The following NDUFA13 variants were observed in gnomAD, a reference collection of about 807,000 sequenced individuals.
NDUFA13 encodes the protein NADH:ubiquinone oxidoreductase subunit A13.
NDUFA13 carries 16 observed loss-of-function variants against 17.0 expected under a neutral mutation model. The ratio of observed to expected loss-of-function variants is 0.94; its 90% CI spans 0.64 to 1.43. The LOEUF (loss-of-function observed/expected upper bound fraction) is 1.43. NDUFA13 is among the 40% of genes most tolerant of loss of function. The pLI, the probability that NDUFA13 is intolerant of heterozygous loss-of-function variation, is 0.00. For missense variants in NDUFA13, 228 were observed against 206.7 expected, an observed-to-expected ratio of 1.10 and a Z score of -0.63; for synonymous variants, 87 against 78.4, an observed-to-expected ratio of 1.11 and a Z score of -0.58.
At chr19:19,518,630 C>A (rs2061061423) in intron 1 of NDUFA13, among the ~76,000 whole-genome samples, 1 of 150,078 alleles carries the variant, frequency 6.7e-6, no homozygotes, top group African/African-American at 2.5e-5. Context: ...GTGGCGTGAT[C>A]TCGGCTCACT....
At chr19:19,519,022 G>T (rs996341743) in intron 1 of NDUFA13, among the ~76,000 whole-genome samples, 2 of 149,460 alleles carry the variant, frequency 1.3e-5, no homozygotes, top group East Asian at 3.9e-4. Flanking sequence ...GGGATTACAG[G>T]TGTGAGCCAC....
chr19:19,526,088 A>C (rs1484593360), intron 1 of NDUFA13, 94 bp from the exon 2 acceptor site: 2 of 1,561,340 alleles, frequency 1.3e-6, no homozygotes, highest in Non-Finnish European at 1.7e-6. Context: ...AGAAGCCGCC[A>C]GTGTCCCCTG....
chr19:19,527,328 T>C lies in NDUFA13; in HGVS notation c.221T>C (p.Leu74Pro). The change falls in exon 3 of 5, where the codon CTG becomes CCG. Residue 74 changes from leucine to proline, a missense_variant. Leu to Pro is a moderately conservative substitution (Grantham distance 98). Coordinates refer to ENST00000507754, the MANE Select transcript of NDUFA13 (RefSeq NM_015965.7). ...DFEARIALLP[L>P]LQAETDRRTL... ...GAGGCTCGCATCGCGCTGTTGCCAC[T>C]GTTACAGGCAGAAACCGACCGGAGG... 6.2e-7 allele frequency: 1 copy of C among 1,613,940 alleles called. No homozygotes were observed. The highest frequency in any genetic ancestry group is 8.5e-7 in the Non-Finnish European group (1 of 1,180,008).
At chr19:19,527,812 A>G in intron 4 of NDUFA13, 42 bp downstream of exon 4, 1 of 1,537,606 alleles carries the variant, frequency 6.5e-7, no homozygotes, top group East Asian at 2.4e-5. Context: ...GCCACGGCAG[A>G]GACAGGGCCT....
chr19:19,520,685 A>G (rs544894459), intron 1 of NDUFA13, among the ~76,000 whole-genome samples: 1 of 152,322 alleles, frequency 6.6e-6, no homozygotes, highest in South Asian at 2.1e-4. Context: ...TTTTTAGTAT[A>G]TTCACAAAGT....
chr19:19,527,164 C>CACCCCCCCCCCCCCCCCCACA, intron 2 of NDUFA13, 117 bp from the exon 3 acceptor site: 1 of 1,014,864 alleles, frequency 9.9e-7, no homozygotes. Flanking sequence ...CCCTGCCTGC[C>CACCCCCCCCCCCCCCCCCACA]TCCCCGCCCC....
intron 1 of NDUFA13, among the ~76,000 whole-genome samples, chr19:19,524,156 C>T (rs2061090521): frequency 6.6e-6 from 1 of 152,162 alleles, no homozygotes; most frequent in Non-Finnish European, 1.5e-5. Context: ...CCCTTTTGTG[C>T]GTGCCCCTCA....
chr19:19,522,639 C>G (rs371443701), intron 1 of NDUFA13, among the ~76,000 whole-genome samples: 1 of 151,834 alleles, frequency 6.6e-6, no homozygotes, highest in Non-Finnish European at 1.5e-5. Flanking sequence ...CCACCACGCC[C>G]GGCTAATTTT....
At chr19:19,523,073 T>TCAACTGAAGTGTGA (rs1184405293) in intron 1 of NDUFA13, among the ~76,000 whole-genome samples, 3 of 152,248 alleles carry the variant, frequency 2.0e-5, no homozygotes, top group Non-Finnish European at 2.9e-5. Flanking sequence ...CTTTCAACTT[T>TCAACTGAAGTGTGA]GTTCTTTTTC....
At chr19:19,522,162 G>C (rs902747710) in intron 1 of NDUFA13, among the ~76,000 whole-genome samples, 1 of 151,726 alleles carries the variant, frequency 6.6e-6, no homozygotes, top group Non-Finnish European at 1.5e-5. Flanking sequence ...AAAATTAGCT[G>C]GGCGCGGTGG....
intron 1 of NDUFA13, 98 bp from the exon 2 acceptor site, chr19:19,526,084 C>G (rs749033463): frequency 6.4e-7 from 1 of 1,554,226 alleles, no homozygotes; most frequent in Non-Finnish European, 8.7e-7. Context: ...CCTGAGAAGC[C>G]GCCAGTGTCC....
At chr19:19,520,561 C>T (rs533730545) in intron 1 of NDUFA13, among the ~76,000 whole-genome samples, 12 of 152,256 alleles carry the variant, frequency 7.9e-5, no homozygotes, top group African/African-American at 2.9e-4. Context: ...ACCTGGAAGG[C>T]GGAGGTTGCA....
chr19:19,519,182 C>G (rs545801095), intron 1 of NDUFA13, among the ~76,000 whole-genome samples: 1 of 151,884 alleles, frequency 6.6e-6, no homozygotes, highest in Non-Finnish European at 1.5e-5. Context: ...TGAGCCACCA[C>G]GCCTGGCCGA....
chr19:19,520,363 G>T (rs1381928356), intron 1 of NDUFA13, among the ~76,000 whole-genome samples: 1 of 152,136 alleles, frequency 6.6e-6, no homozygotes, highest in Admixed American at 6.5e-5. Flanking sequence ...TGTGAGCGGT[G>T]GCTCATGCCT....
intron 1 of NDUFA13, among the ~76,000 whole-genome samples, chr19:19,520,043 C>T (rs1434335127): frequency 6.9e-6 from 1 of 144,972 alleles, no homozygotes; most frequent in East Asian, 2.0e-4. Context: ...GGCGCGATCT[C>T]AGCTCACTGC....
At chr19:19,524,265 G>T (rs1233572780) in intron 1 of NDUFA13, among the ~76,000 whole-genome samples, 1 of 152,274 alleles carries the variant, frequency 6.6e-6, no homozygotes, top group Non-Finnish European at 1.5e-5. Flanking sequence ...CCCTGTGCAG[G>T]CTGCATGCAA....
intron 1 of NDUFA13, among the ~76,000 whole-genome samples, chr19:19,517,157 G>A (rs1481540129): frequency 1.3e-5 from 2 of 152,198 alleles, no homozygotes; most frequent in South Asian, 4.1e-4. Flanking sequence ...TTGAAAAAGA[G>A]AACTTAAAAG....
chr19:19,521,766 C>G (rs2061079274), intron 1 of NDUFA13, among the ~76,000 whole-genome samples: 1 of 151,824 alleles, frequency 6.6e-6, no homozygotes, highest in Non-Finnish European at 1.5e-5. Flanking sequence ...CTGCGCCCGG[C>G]TAATTTTTTG....
intron 1 of NDUFA13, among the ~76,000 whole-genome samples, chr19:19,520,907 T>C (rs548965228): frequency 6.6e-6 from 1 of 152,320 alleles, no homozygotes; most frequent in African/African-American, 2.4e-5. Flanking sequence ...AAGTGTTGTG[T>C]TTTCATTTTT....
Sources: allele counts gnomAD v4.1 joint callset (sites outside exome capture counted in the v4.1 genomes callset), GRCh38; gene constraint gnomAD v4.1.1; transcripts MANE v1.5; gene names NCBI Gene and HGNC (gene_info 2026-07-23, HGNC 2026-07-21).